Variants in TDG observed in about 807,000 individuals in gnomAD.
TDG encodes thymine DNA glycosylase, also known as G/T mismatch-specific thymine DNA glycosylase.
In TDG, 23 loss-of-function variants were observed where a neutral mutation model predicts 46.1. The observed-to-expected ratio is 0.50, with a 90% CI of 0.36 to 0.71. TDG has a LOEUF of 0.71. TDG is among the 30% of genes least tolerant of loss of function. TDG has a pLI of 0.00. For missense variants in TDG, 304 were observed against 486.7 expected, an observed-to-expected ratio of 0.62 and a Z score of 3.53; for synonymous variants, 115 against 161.3, an observed-to-expected ratio of 0.71 and a Z score of 2.18.
intron 2 of TDG, 73 bp downstream of exon 2, chr12:103,977,133 G>A: frequency 6.5e-7 from 1 of 1,547,552 alleles, no homozygotes; most frequent in East Asian, 2.3e-5. Context: ...GTTTCATGGT[G>A]AATTTTAGCT....
chr12:103,980,941 C>T lies in TDG; in HGVS notation c.457C>T (p.Pro153Ser), dbSNP rs1035159851. 3.1e-6 allele frequency: 5 copies of T among 1,613,148 alleles called. No individual in the cohort carries two copies. The South Asian group carries it at 5.5e-5, about 18-fold the overall frequency. Residue 153 changes from proline to serine, a missense_variant, in exon 4 of 10, where the codon CCT becomes TCT. Physicochemically the swap from Pro to Ser is moderately conservative, Grantham distance 74. Transcript: ENST00000392872. ...GGCTGCTTACAAAGGGCATCATTACCCTGGACCTGGAAACCATTTTTGTAA... is the reference window on the plus strand; with the variant it reads ...GGCTGCTTACAAAGGGCATCATTACTCTGGACCTGGAAACCATTTTTGTAA... ...LMAAYKGHHY[P>S]GPGNHFWKCL...
chr12:103,972,652 C>T (rs1871336554), intron 1 of TDG, among the ~76,000 whole-genome samples: 1 of 152,122 alleles, frequency 6.6e-6, no homozygotes, highest in Non-Finnish European at 1.5e-5. Context: ...TCTAATTTAA[C>T]TTTTTGTAAA....
rs748706701 is a variant in TDG, at chr12:103,982,889, C to T, written c.569C>T (p.Thr190Ile). The part of the protein sequence containing the change: ...TLPGKYGIGF[T>I]NMVERTTPGS... ...CCAGGGAAGTATGGTATTGGATTTACCAACATGGTGGAAAGGACCACGCCC... is the reference window on the plus strand; with the variant it reads ...CCAGGGAAGTATGGTATTGGATTTATCAACATGGTGGAAAGGACCACGCCC... The change falls in exon 5 of 10, where the codon ACC (threonine) becomes ATC (isoleucine). Residue 190 changes from threonine (T) to isoleucine (I), a missense_variant. By Grantham distance (89) the Thr-to-Ile change is moderately conservative. Coordinates refer to ENST00000392872, the MANE Select transcript of TDG (RefSeq NM_003211.6). 5.0e-6 allele frequency: 8 copies of T among 1,614,126 alleles called. No individual in the cohort carries two copies. The highest frequency in any genetic ancestry group is 6.8e-6 in the Non-Finnish European group (8 of 1,180,034).
chr12:103,980,220 G>A (rs1871757661), intron 3 of TDG, 148 bp downstream of exon 3: 1 of 1,125,632 alleles, frequency 8.9e-7, no homozygotes, highest in Non-Finnish European at 1.2e-6. Context: ...ATGAGGTTGT[G>A]TTATATGAGA....
At chr12:103,980,637 C>G in intron 3 of TDG, 1 of 349,094 alleles carries the variant, frequency 2.9e-6, no homozygotes, top group South Asian at 4.6e-5. Context: ...GGTGAGGGTG[C>G]GAGGCCTGGG....
intron 1 of TDG, among the ~76,000 whole-genome samples, chr12:103,968,692 A>C (rs1287938571): frequency 1.3e-5 from 2 of 152,220 alleles, no homozygotes; most frequent in African/African-American, 4.8e-5. Flanking sequence ...AGATTAAAGC[A>C]GTGTTAGAGG....
intron 1 of TDG, among the ~76,000 whole-genome samples, chr12:103,975,710 G>A (rs1381326200): frequency 2.0e-5 from 3 of 151,958 alleles, no homozygotes; most frequent in African/African-American, 7.3e-5. Flanking sequence ...CACCCAGGCT[G>A]GAGTGCAGTG....
intron 1 of TDG, among the ~76,000 whole-genome samples, chr12:103,968,400 GTT>G (rs1200667256): frequency 6.6e-6 from 1 of 152,178 alleles, no homozygotes; most frequent in Admixed American, 6.5e-5. Flanking sequence ...AGGAAGGACT[GTT>G]TTGGTTAGAT....
At chr12:103,983,087 T>C in intron 5 of TDG, 49 bp from the exon 6 acceptor site, 1 of 1,554,356 alleles carries the variant, frequency 6.4e-7, no homozygotes, top group Non-Finnish European at 8.7e-7. Flanking sequence ...TAGCATATTA[T>C]AAATATTGTC....
At chr12:103,966,503 A>G (rs1414791383) in intron 1 of TDG, among the ~76,000 whole-genome samples, 1 of 152,132 alleles carries the variant, frequency 6.6e-6, no homozygotes, top group African/African-American at 2.4e-5. Flanking sequence ...CCCCCACCCC[A>G]AAGGCCTACT....
Position 103,966,051 on chromosome 12 carries a change from A to G in TDG, c.14A>G (p.Asn5Ser), listed in dbSNP as rs986479076. 4.0e-5 allele frequency: 64 copies of G among 1,594,400 alleles called. No individual in the cohort carries two copies. Among genetic ancestry groups the G allele is most frequent in the Non-Finnish European group, 5.4e-5 (63 of 1,171,312 alleles). Residue 5 changes from asparagine to serine, a missense_variant, in exon 1 of 10, where the codon AAC (asparagine) becomes AGC (serine). Transcript: ENST00000392872. Reference sequence around the variant, plus strand: ...CGGCCTCGGGGAATGGAAGCGGAGAACGCGGGCAGGTAATACCGGGGCCAG... The same window carrying G: ...CGGCCTCGGGGAATGGAAGCGGAGAGCGCGGGCAGGTAATACCGGGGCCAG... MEAE[N>S]AGSYSLQQAQ...
At chr12:103,985,779 T>C (rs1454506105) in intron 9 of TDG, 51 bp downstream of exon 9, 6 of 1,434,778 alleles carry the variant, frequency 4.2e-6, no homozygotes, top group Non-Finnish European at 5.5e-6. Context: ...TTGGTCAGGA[T>C]TGGGGGGAAA....
chr12:103,966,195 T>C, intron 1 of TDG, 135 bp downstream of exon 1: 1 of 1,212,278 alleles, frequency 8.2e-7, no homozygotes, highest in South Asian at 1.7e-5. Context: ...GTGCGCACTG[T>C]GGCCTGGTCG....
chr12:103,965,879 TG>T lies in TDG; in HGVS notation c.-157del. ...GGGTCCGTGGGGGACGGTAGAAGCC[TG>T]GAGGAGGAGCTTGAGTCCAGCCACT... is the stretch of plus-strand genomic sequence containing the variant. On this transcript the variant is annotated 5_prime_UTR_variant, in exon 1 of 10. Coordinates refer to ENST00000392872, the MANE Select transcript of TDG (RefSeq NM_003211.6). 1 of 1,190,922 alleles carries T rather than the reference TG, an allele frequency of 8.4e-7. No homozygotes were observed. The highest frequency in any genetic ancestry group is 1.2e-6 in the Non-Finnish European group (1 of 864,008). The allele number at this position is 1,190,922 out of a possible 1,614,324, so 73.8% of individuals were successfully genotyped here. A position where few individuals can be genotyped will look rare whatever the true frequency, so the allele number is the denominator to read the frequency against.
rs1170810075 is a variant in TDG at position 103,987,696 on chromosome 12, C to A, written c.*606C>A. On this transcript the variant is annotated 3_prime_UTR_variant, in exon 10 of 10. Coordinates refer to ENST00000392872, the MANE Select transcript of TDG (RefSeq NM_003211.6). ...TACCTGACAGAGCCCTGGCTTTGAC[C>A]TGCTCAGCCCTGTGTGTTAATCCTC... 1 of 152,700 alleles carries A rather than the reference C, an allele frequency of 6.5e-6. No homozygotes were observed. The highest frequency in any genetic ancestry group is 1.5e-5 in the Non-Finnish European group (1 of 68,250). The allele number at this position is 152,700 out of a possible 1,614,324, so 9.5% of individuals were successfully genotyped here.
At chr12:103,966,450 C>G (rs1210070459) in intron 1 of TDG, among the ~76,000 whole-genome samples, 1 of 152,188 alleles carries the variant, frequency 6.6e-6, no homozygotes, top group Non-Finnish European at 1.5e-5. Context: ...ATTTCCAGCT[C>G]CAGGAGTTTT....
rs190494791 is a variant in TDG at position 103,981,593 on chromosome 12, C to T, written c.478+631C>T. 9.2e-5 allele frequency among the ~76,000 whole-genome samples: 14 copies of T among 152,106 alleles called. No individual in the cohort carries two copies. In the East Asian group the frequency reaches 1.4e-3, roughly 15 times the overall value. ...AAGTTGTTATCTATAGGCATAGTAA[C>T]GATAGTATAGTACATCTTTGTGGCA... On this transcript the variant is annotated intron_variant, in intron 4 of 9. Transcript: ENST00000392872.
At chr12:103,972,607 T>G (rs1871335234) in intron 1 of TDG, among the ~76,000 whole-genome samples, 1 of 152,218 alleles carries the variant, frequency 6.6e-6, no homozygotes, top group Non-Finnish European at 1.5e-5. Context: ...AACTAACACA[T>G]TTGATTTTCC....
chr12:103,978,669 G>A (rs1871656476), intron 2 of TDG, among the ~76,000 whole-genome samples: 1 of 152,172 alleles, frequency 6.6e-6, no homozygotes, highest in African/African-American at 2.4e-5. Flanking sequence ...GTAGTTAGGA[G>A]AAATGTTAAA....
Sources: gnomAD v4.1 joint callset for allele counts (sites outside exome capture counted in the v4.1 genomes callset) on GRCh38, gnomAD v4.1.1 for gene constraint, MANE v1.5 for transcripts, NCBI Gene and HGNC (gene_info 2026-07-23, HGNC 2026-07-21) for gene names.